Variants in ALK observed in about 807,000 individuals in gnomAD.
ALK encodes ALK tyrosine kinase receptor.
Under a neutral mutation model 163.1 loss-of-function variants are expected in ALK, and 74 were observed. The observed-to-expected ratio is 0.45, with a 90% CI of 0.38 to 0.55. ALK has a LOEUF of 0.55. Among genes scored for constraint, ALK ranks in the 20% least tolerant of loss-of-function variants. The pLI is 0.00. For synonymous variants in ALK, 960 were observed against 843.2 expected, an observed-to-expected ratio of 1.14 and a Z score of -2.40; for missense variants, 2,063 against 2,105.3, an observed-to-expected ratio of 0.98 and a Z score of 0.39.
chr2:29,595,088 T>C (rs1368016288), intron 3 of ALK, among the ~76,000 whole-genome samples: 1 of 152,200 alleles, frequency 6.6e-6, no homozygotes, highest in African/African-American at 2.4e-5. Context: ...TCCTCCCAGA[T>C]GTCTTTTCAT....
intron 4 of ALK, among the ~76,000 whole-genome samples, chr2:29,389,415 A>G (rs1669109301): frequency 6.6e-6 from 1 of 152,232 alleles, no homozygotes; most frequent in Non-Finnish European, 1.5e-5. Context: ...GCATGAGCAC[A>G]TGAGCAGAGG....
At chr2:29,434,066 G>C (rs11675140) in intron 4 of ALK, among the ~76,000 whole-genome samples, 15,994 of 152,184 alleles carry the variant, frequency 0.11, 1,190 homozygotes, top group East Asian at 0.32. Context: ...GGGGATGCTT[G>C]CTTGTGCCTG....
At chr2:29,484,758 G>A (rs1395506935) in intron 4 of ALK, among the ~76,000 whole-genome samples, 1 of 152,078 alleles carries the variant, frequency 6.6e-6, no homozygotes, top group Non-Finnish European at 1.5e-5. Context: ...TGATAAGTCT[G>A]AAAACATCTT....
intron 3 of ALK, among the ~76,000 whole-genome samples, chr2:29,564,650 T>C (rs1397361661): frequency 1.3e-5 from 2 of 152,212 alleles, no homozygotes; most frequent in Non-Finnish European, 2.9e-5. Context: ...GGCACTCATA[T>C]TTGCAGAGTC....
intron 4 of ALK, among the ~76,000 whole-genome samples, chr2:29,416,291 T>A (rs1229214435): frequency 6.6e-6 from 1 of 152,208 alleles, no homozygotes; most frequent in African/African-American, 2.4e-5. Flanking sequence ...TGAATACTTG[T>A]ATGCAAATTC....
chr2:29,398,434 A>G lies in ALK; in HGVS notation c.1155-14575T>C, dbSNP rs921539243. On this transcript the variant is annotated intron_variant, in intron 4 of 28. Transcript: ENST00000389048. ...TACCTGTCTCCCAAGAGATGTATGC[A>G]AAGTGTCTTAATACAGAGCTTCCTG... is the stretch of plus-strand genomic sequence containing the variant. Among the ~76,000 whole-genome samples the G allele has an allele frequency of 6.6e-5, 10 of 152,272 alleles. No homozygotes were observed. The East Asian group carries it at 1.2e-3, about 18-fold the overall frequency.
At chr2:29,334,686 G>T (rs559087732) in intron 5 of ALK, among the ~76,000 whole-genome samples, 1 of 152,172 alleles carries the variant, frequency 6.6e-6, no homozygotes, top group African/African-American at 2.4e-5. Context: ...AGGTGCCTAC[G>T]TTTTCAGCAC....
intron 4 of ALK, among the ~76,000 whole-genome samples, chr2:29,491,715 A>G (rs566640842): frequency 2.0e-5 from 3 of 152,292 alleles, no homozygotes; most frequent in East Asian, 3.9e-4. Context: ...CTTTCACTTA[A>G]CGTGTGTCCT....
chr2:29,850,018 C>T (rs1665949302), intron 1 of ALK, among the ~76,000 whole-genome samples: 1 of 151,984 alleles, frequency 6.6e-6, no homozygotes. Context: ...AAAGGAAGAC[C>T]CAGGTCAAAG....
At chr2:29,791,612 G>T (rs528239151) in intron 1 of ALK, among the ~76,000 whole-genome samples, 1 of 151,916 alleles carries the variant, frequency 6.6e-6, no homozygotes, top group African/African-American at 2.4e-5. Flanking sequence ...ATGTATCCCA[G>T]AACTTAAAGT....
intron 4 of ALK, among the ~76,000 whole-genome samples, chr2:29,413,815 G>A (rs1013072660): frequency 2.0e-5 from 3 of 152,150 alleles, no homozygotes; most frequent in Non-Finnish European, 4.4e-5. Context: ...TTACAGGCTT[G>A]AGGCACCTCA....
intron 11 of ALK, among the ~76,000 whole-genome samples, chr2:29,252,877 G>A (rs1236959499): frequency 1.3e-5 from 2 of 151,586 alleles, no homozygotes; most frequent in Non-Finnish European, 2.9e-5. Context: ...TCAGGCTGAG[G>A]GTAGTGGTAC....
At chr2:29,322,125 G>C (rs1032443564) in intron 6 of ALK, among the ~76,000 whole-genome samples, 1 of 152,226 alleles carries the variant, frequency 6.6e-6, no homozygotes, top group East Asian at 1.9e-4. Flanking sequence ...CTCCATGTGG[G>C]AGGAAAGAAG....
intron 1 of ALK, among the ~76,000 whole-genome samples, chr2:29,786,220 C>T (rs1664020507): frequency 6.6e-6 from 1 of 152,022 alleles, no homozygotes. Context: ...CCAGTCTTTT[C>T]GTTTCTTTCC....
At position 29,770,060 on chromosome 2, in the gene ALK, C is replaced by T. The variant is rs531405547; in HGVS notation, c.668-52363G>A. Among the ~76,000 whole-genome samples the T allele has an allele frequency of 4.6e-5, 7 of 152,316 alleles. No homozygotes were observed. In the South Asian group the frequency reaches 1.5e-3, roughly 32 times the overall value. ...AAGAAGCAGCTGGATCCACAAATCC[C>T]CTTCCCATATCCAGCAAGAGACCAA... On this transcript the variant is annotated intron_variant, in intron 1 of 28. Transcript: ENST00000389048.
At chr2:29,787,300 G>A (rs1228338375) in intron 1 of ALK, among the ~76,000 whole-genome samples, 1 of 152,156 alleles carries the variant, frequency 6.6e-6, no homozygotes, top group Non-Finnish European at 1.5e-5. Context: ...ACACAGTGCT[G>A]GGTGCTGGGT....
chr2:29,701,747 C>A (rs1007770113), intron 2 of ALK, among the ~76,000 whole-genome samples: 1 of 152,102 alleles, frequency 6.6e-6, no homozygotes, highest in Non-Finnish European at 1.5e-5. Context: ...ATGCCAGGCA[C>A]CTTACATGAT....
chr2:29,388,704 C>T (rs1346332909), intron 4 of ALK, among the ~76,000 whole-genome samples: 1 of 152,222 alleles, frequency 6.6e-6, no homozygotes, highest in African/African-American at 2.4e-5. Context: ...CTGCTTTCTT[C>T]ATGGAATGAC....
At chr2:29,400,318 A>G (rs1251067104) in intron 4 of ALK, among the ~76,000 whole-genome samples, 2 of 152,222 alleles carry the variant, frequency 1.3e-5, no homozygotes, top group East Asian at 1.9e-4. Context: ...GCAGGTAATC[A>G]TTTTGAATAT....
Sources: allele counts gnomAD v4.1 joint callset (sites outside exome capture counted in the v4.1 genomes callset), GRCh38; gene constraint gnomAD v4.1.1; transcripts MANE v1.5; gene names NCBI Gene and HGNC (gene_info 2026-07-23, HGNC 2026-07-21).